RAB11FIP4: variants seen among roughly 807,000 people sequenced by gnomAD.
The protein encoded by RAB11FIP4 is rab11 family-interacting protein 4.
In RAB11FIP4, 23 loss-of-function variants were observed where a neutral mutation model predicts 74.3. That is an observed-to-expected ratio of 0.31 (90% CI 0.22 to 0.44). RAB11FIP4 has a LOEUF of 0.44. Ranked by LOEUF, RAB11FIP4 falls within the 20% of genes least tolerant of loss-of-function variation. The pLI is 1.00. For synonymous variants in RAB11FIP4, 360 were observed against 359.9 expected, an observed-to-expected ratio of 1.00 and a Z score of 0.00; for missense variants, 630 against 863.9, an observed-to-expected ratio of 0.73 and a Z score of 3.39.
At chr17:31,428,448 G>A (rs1306315913) in intron 1 of RAB11FIP4, among the ~76,000 whole-genome samples, 1 of 152,168 alleles carries the variant, frequency 6.6e-6, no homozygotes, top group Non-Finnish European at 1.5e-5. Flanking sequence ...GGCCCCGGGT[G>A]CCCTCAGATC....
rs753635068 is a variant in RAB11FIP4 at position 31,450,321 on chromosome 17, T to TTTTTTA, written c.336+16201_336+16202insTTTATT. 7.3e-5 allele frequency among the ~76,000 whole-genome samples: 10 copies of TTTTTTA among 137,812 alleles called. No homozygotes were observed. The East Asian group carries it at 1.3e-3, about 18-fold the overall frequency. 90.4% of individuals were successfully genotyped at this position (137,812 alleles called of 152,430 possible). A position where few individuals can be genotyped will look rare whatever the true frequency, so the allele number is the denominator to read the frequency against. On this transcript the variant is annotated intron_variant, in intron 3 of 14. Transcript: ENST00000621161. Reference sequence around the variant, plus strand: ...CGCACACCACCCCCCCGCCACCGGCTTTATTATTATTATTATTATTATTAT... The same window carrying TTTTTTA: ...CGCACACCACCCCCCCGCCACCGGCTTTTTTATTATTATTATTATTATTATTATTAT...
At chr17:31,482,285 A>ATT (rs34828250) in intron 3 of RAB11FIP4, among the ~76,000 whole-genome samples, 31,481 of 151,678 alleles carry the variant, frequency 0.21, 4,062 homozygotes, top group East Asian at 0.36. Context: ...AGTCATTCCC[A>ATT]TTTTTTTTCT....
At chr17:31,392,116 C>T in intron 1 of RAB11FIP4, 105 bp downstream of exon 1, 1 of 896,086 alleles carries the variant, frequency 1.1e-6, no homozygotes, top group Non-Finnish European at 1.4e-6. Flanking sequence ...AGGCGGTGGC[C>T]TCCCTCCCAA....
At chr17:31,417,998 G>A (rs2071164249) in intron 1 of RAB11FIP4, among the ~76,000 whole-genome samples, 1 of 152,184 alleles carries the variant, frequency 6.6e-6, no homozygotes. Flanking sequence ...GGCTGAGTTG[G>A]GAGGATCCCT....
intron 3 of RAB11FIP4, among the ~76,000 whole-genome samples, chr17:31,447,260 G>C (rs566446407): frequency 6.6e-6 from 1 of 152,146 alleles, no homozygotes; most frequent in Non-Finnish European, 1.5e-5. Context: ...CTCCAACCTG[G>C]GCCACAGAGC....
intron 3 of RAB11FIP4, among the ~76,000 whole-genome samples, chr17:31,456,016 C>G (rs900078077): frequency 6.6e-6 from 1 of 152,188 alleles, no homozygotes; most frequent in African/African-American, 2.4e-5. Context: ...TCATGTTAAC[C>G]CTATTCCTTT....
At chr17:31,475,031 G>A (rs987225686) in intron 3 of RAB11FIP4, among the ~76,000 whole-genome samples, 1 of 152,160 alleles carries the variant, frequency 6.6e-6, no homozygotes, top group Non-Finnish European at 1.5e-5. Context: ...GCATAATGTG[G>A]TGAGGAGAGG....
intron 3 of RAB11FIP4, among the ~76,000 whole-genome samples, chr17:31,515,727 G>A (rs1290766220): frequency 6.6e-6 from 1 of 152,208 alleles, no homozygotes; most frequent in Non-Finnish European, 1.5e-5. Flanking sequence ...CTTGGGAACA[G>A]GTTGACATCT....
intron 3 of RAB11FIP4, among the ~76,000 whole-genome samples, chr17:31,503,775 G>A (rs2072265993): frequency 6.7e-6 from 1 of 149,724 alleles, no homozygotes; most frequent in Admixed American, 6.6e-5. Flanking sequence ...TCCAGTTTCT[G>A]TGGACTCTAC....
At chr17:31,499,468 G>A (rs2072177507) in intron 3 of RAB11FIP4, among the ~76,000 whole-genome samples, 1 of 152,072 alleles carries the variant, frequency 6.6e-6, no homozygotes, top group Non-Finnish European at 1.5e-5. Context: ...CGATTCTCCT[G>A]CCTCCGCCTC....
At chr17:31,418,847 G>C (rs899301751) in intron 1 of RAB11FIP4, among the ~76,000 whole-genome samples, 1 of 152,020 alleles carries the variant, frequency 6.6e-6, no homozygotes, top group South Asian at 2.1e-4. Flanking sequence ...TTGGGGGTGG[G>C]GGAAGAAGTG....
At chr17:31,399,916 G>A (rs1206979547) in intron 1 of RAB11FIP4, among the ~76,000 whole-genome samples, 1 of 151,340 alleles carries the variant, frequency 6.6e-6, no homozygotes, top group Non-Finnish European at 1.5e-5. Flanking sequence ...GATGATGCAC[G>A]CCTGTTATCT....
In RAB11FIP4 at chr17:31,485,186, T is replaced by C. The variant is rs76608048; in HGVS notation, c.337-32465T>C. On this transcript the variant is annotated intron_variant, in intron 3 of 14. Transcript: ENST00000621161. ...AGGTAGAGACTGAGGCTCCAAAACATTGACTTCCCTTGATAAGTGGAACCG... is the reference window on the plus strand; with the variant it reads ...AGGTAGAGACTGAGGCTCCAAAACACTGACTTCCCTTGATAAGTGGAACCG... Among the ~76,000 whole-genome samples, 1,466 of 152,330 alleles carry C rather than the reference T, an allele frequency of 9.6e-3. 13 individuals carry two copies. The highest frequency in any genetic ancestry group is 0.037 in the South Asian group (178 of 4,826).
chr17:31,406,948 T>C (rs1270280882), intron 1 of RAB11FIP4, among the ~76,000 whole-genome samples: 6 of 151,698 alleles, frequency 4.0e-5, no homozygotes, highest in Admixed American at 3.9e-4. Flanking sequence ...TTTCCATCTC[T>C]AACAAGAATA....
rs138535335 is a variant in RAB11FIP4 at position 31,450,506 on chromosome 17, G to A, written c.336+16384G>A. On this transcript the variant is annotated intron_variant, in intron 3 of 14. Transcript: ENST00000621161. ...ATTATAGGACGGCGCCATCACACCC[G>A]GCTAATTTGCATATTTTTGGTAGAG... Among the ~76,000 whole-genome samples, 31 of 151,868 alleles carry A rather than the reference G, an allele frequency of 2.0e-4. No individual in the cohort carries two copies. In the East Asian group the frequency reaches 4.9e-3, roughly 24 times the overall value.
chr17:31,488,806 G>A (rs2071951744), intron 3 of RAB11FIP4, among the ~76,000 whole-genome samples: 1 of 152,242 alleles, frequency 6.6e-6, no homozygotes, highest in African/African-American at 2.4e-5. Flanking sequence ...GGTGGGAGGT[G>A]TGTTGTGGCC....
chr17:31,425,500 A>G (rs2071239406), intron 1 of RAB11FIP4, among the ~76,000 whole-genome samples: 1 of 152,118 alleles, frequency 6.6e-6, no homozygotes, highest in Non-Finnish European at 1.5e-5. Flanking sequence ...CTGGCTGGTA[A>G]TCAATCAGAC....
rs76375547 is a variant in RAB11FIP4 at position 31,480,567 on chromosome 17, C to G, written c.337-37084C>G. Among the ~76,000 whole-genome samples the G allele has an allele frequency of 1.4e-3, 214 of 152,116 alleles. 1 individual carries two copies. Among genetic ancestry groups the G allele is most frequent in the African/African-American group, 5.0e-3 (206 of 41,518 alleles). Reference sequence around the variant, plus strand: ...CACTTTGAGGCCGAGGTGGGTGGATCGCTTTAGGTCAGGAGATCGAGACCA... The same window carrying G: ...CACTTTGAGGCCGAGGTGGGTGGATGGCTTTAGGTCAGGAGATCGAGACCA... On this transcript the variant is annotated intron_variant, in intron 3 of 14. Transcript: ENST00000621161.
chr17:31,498,560 C>T (rs944988654), intron 3 of RAB11FIP4, among the ~76,000 whole-genome samples: 2 of 152,218 alleles, frequency 1.3e-5, no homozygotes, highest in Admixed American at 6.5e-5. Flanking sequence ...GGGCGGGTCA[C>T]GTGGAGCCTT....
Sources: gnomAD v4.1 joint callset for allele counts (sites outside exome capture counted in the v4.1 genomes callset) on GRCh38, gnomAD v4.1.1 for gene constraint, MANE v1.5 for transcripts, NCBI Gene and HGNC (gene_info 2026-07-23, HGNC 2026-07-21) for gene names.